Variants in SLC8A1 observed in about 807,000 individuals in gnomAD.
The protein encoded by SLC8A1 is sodium/calcium exchanger 1.
SLC8A1 carries 18 observed loss-of-function variants against 68.3 expected under a neutral mutation model. The observed-to-expected ratio is 0.26, with a 90% CI of 0.18 to 0.39. The LOEUF (loss-of-function observed/expected upper bound fraction) is 0.39, where lower values mean the gene tolerates loss of function less well. Ranked by LOEUF, SLC8A1 falls within the 10% of genes least tolerant of loss-of-function variation. SLC8A1 has a pLI of 1.00. For synonymous variants in SLC8A1, 475 were observed against 415.5 expected (o/e 1.14, Z -1.74); for missense variants, 985 against 1,156.7 (o/e 0.85, Z 2.15).
chr2:40,160,698 C>A (rs998600073), intron 6 of SLC8A1, 67 bp downstream of exon 9: 3 of 1,391,412 alleles, frequency 2.2e-6, no homozygotes, highest in Non-Finnish European at 3.1e-6. Flanking sequence ...GACCAAGTAG[C>A]CACAGTAGGA....
chr2:40,254,814 A>G (rs2063617322), intron 2 of SLC8A1: 1 of 152,190 alleles, frequency 6.6e-6, no homozygotes. Context: ...CAATATTAAC[A>G]TCTTCCTTTG....
At chr2:40,157,782 A>C (rs892114156) in intron 6 of SLC8A1, among the ~76,000 whole-genome samples, 9 of 152,226 alleles carry the variant, frequency 5.9e-5, no homozygotes, top group Non-Finnish European at 1.2e-4. Flanking sequence ...CACTGTTCCT[A>C]GTGTTCAACC....
At chr2:40,347,088 G>C (rs764482563) in intron 2 of SLC8A1, among the ~76,000 whole-genome samples, 2 of 152,168 alleles carry the variant, frequency 1.3e-5, no homozygotes, top group South Asian at 4.1e-4. Context: ...TAGAAGGTTG[G>C]TGTGTCTTCT....
rs1001201484 is a variant in SLC8A1 at position 40,430,374 on chromosome 2, C to T, written c.-24-70G>A. Reference sequence around the variant, plus strand: ...CATTAGAGCTGCAGCCAAAGCATTACTAATTACTTATTTTTATTACTCTTA... The same window carrying T: ...CATTAGAGCTGCAGCCAAAGCATTATTAATTACTTATTTTTATTACTCTTA... On this transcript the variant is annotated intron_variant, in intron 1 of 7. Coordinates refer to ENST00000406785, the Ensembl canonical transcript of SLC8A1. 9 of 1,425,594 alleles carry T rather than the reference C, an allele frequency of 6.3e-6. No homozygotes were observed. The African/African-American group carries it at 1.2e-4, about 18-fold the overall frequency. The allele number at this position is 1,425,594 out of a possible 1,614,324, so 88.3% of individuals were successfully genotyped here.
intron 1 of SLC8A1, among the ~76,000 whole-genome samples, chr2:40,490,963 C>G (rs1705275954): frequency 6.6e-6 from 1 of 152,072 alleles, no homozygotes; most frequent in Admixed American, 6.6e-5. Flanking sequence ...AACTTAAAAA[C>G]CCGGCCATTC....
chr2:40,506,335 A>G (rs1706367985), intron 1 of SLC8A1, among the ~76,000 whole-genome samples: 1 of 151,924 alleles, frequency 6.6e-6, no homozygotes, highest in South Asian at 2.1e-4. Flanking sequence ...TATTGAGAAG[A>G]AAAAACAAGT....
chr2:40,464,526 T>A (rs1326789443), intron 1 of SLC8A1, among the ~76,000 whole-genome samples: 1 of 152,226 alleles, frequency 6.6e-6, no homozygotes, highest in Non-Finnish European at 1.5e-5. Flanking sequence ...GCTTTAAAGA[T>A]TGTAAGAAGG....
rs2067308722 is a variant in SLC8A1, at chr2:40,280,222, C to T, written c.1809-102367G>A. Among the ~76,000 whole-genome samples the T allele has an allele frequency of 2.4e-5, 2 of 82,242 alleles. 1 individual carries two copies. Among genetic ancestry groups the T allele is most frequent in the South Asian group, 6.9e-4 (2 of 2,916 alleles). 54.0% of individuals were successfully genotyped at this position (82,242 alleles called of 152,430 possible). On this transcript the variant is annotated intron_variant, in intron 2 of 7. Coordinates refer to ENST00000406785, the Ensembl canonical transcript of SLC8A1. ...TGAATGTCTGCCATTATAAAAGAATCTAATGATAAAACCTGAGGAAATAAA... is the reference window on the plus strand; with the variant it reads ...TGAATGTCTGCCATTATAAAAGAATTTAATGATAAAACCTGAGGAAATAAA...
intron 2 of SLC8A1, among the ~76,000 whole-genome samples, chr2:40,263,918 C>T (rs551415470): frequency 2.6e-4 from 39 of 152,288 alleles, no homozygotes; most frequent in African/African-American, 8.4e-4. Flanking sequence ...AGGCAACCTA[C>T]AGAATGGCAG....
At chr2:40,287,132 A>C (rs987263776) in intron 2 of SLC8A1, among the ~76,000 whole-genome samples, 5 of 152,204 alleles carry the variant, frequency 3.3e-5, no homozygotes, top group African/African-American at 4.8e-5. Context: ...GAGAACACTA[A>C]AAAAATATGT....
intron 2 of SLC8A1, among the ~76,000 whole-genome samples, chr2:40,207,720 C>A (rs1399199782): frequency 6.6e-6 from 1 of 152,080 alleles, no homozygotes; most frequent in African/African-American, 2.4e-5. Context: ...TAATGGGAAT[C>A]ATGTCTTCTG....
intron 2 of SLC8A1, among the ~76,000 whole-genome samples, chr2:40,338,776 G>T (rs1343641698): frequency 2.0e-5 from 3 of 152,164 alleles, no homozygotes; most frequent in South Asian, 4.1e-4. Flanking sequence ...TTTCCTAATA[G>T]ATCCTGAAAG....
At chr2:40,384,279 A>T (rs569382845) in intron 2 of SLC8A1, among the ~76,000 whole-genome samples, 31 of 152,212 alleles carry the variant, frequency 2.0e-4, no homozygotes, top group South Asian at 6.2e-4. Flanking sequence ...ATAACATTTT[A>T]AAAAATGTTA....
chr2:40,417,862 T>C (rs1385862621), intron 2 of SLC8A1, among the ~76,000 whole-genome samples: 1 of 101,366 alleles, frequency 9.9e-6, no homozygotes, highest in Non-Finnish European at 1.8e-5. Flanking sequence ...ACTGATAGCT[T>C]GGATGGATAC....
chr2:40,221,617 G>A (rs894423636), intron 2 of SLC8A1, among the ~76,000 whole-genome samples: 1 of 152,116 alleles, frequency 6.6e-6, no homozygotes, highest in African/African-American at 2.4e-5. Context: ...TGACATGATT[G>A]TATATTTAGA....
exon 8 of SLC8A1, chr2:40,105,539 T>C (rs2034142666): frequency 6.6e-6 from 1 of 152,228 alleles, no homozygotes; most frequent in South Asian, 2.1e-4. Flanking sequence ...AGTGTCAGAA[T>C]ATTCTCTTGG....
At chr2:40,227,486 T>A (rs2059133815) in intron 2 of SLC8A1, among the ~76,000 whole-genome samples, 1 of 152,010 alleles carries the variant, frequency 6.6e-6, no homozygotes, top group Admixed American at 6.6e-5. Context: ...AAATACGACG[T>A]GTTCTGACTT....
intron 7 of SLC8A1, among the ~76,000 whole-genome samples, chr2:40,127,699 A>G (rs374772756): frequency 6.6e-6 from 1 of 152,290 alleles, no homozygotes; most frequent in East Asian, 1.9e-4. Context: ...ATGACCTAAT[A>G]ATAGCTTATA....
chr2:40,309,221 G>A (rs1369550903), intron 2 of SLC8A1, among the ~76,000 whole-genome samples: 1 of 152,104 alleles, frequency 6.6e-6, no homozygotes, highest in Non-Finnish European at 1.5e-5. Context: ...TATTCAAGAG[G>A]TATTTCTAAT....
Sources: gnomAD v4.1 joint callset for allele counts (sites outside exome capture counted in the v4.1 genomes callset) on GRCh38, gnomAD v4.1.1 for gene constraint, MANE v1.5 for transcripts, NCBI Gene and HGNC (gene_info 2026-07-23, HGNC 2026-07-21) for gene names.